RAB31: variants seen among roughly 807,000 people sequenced by gnomAD.
The protein encoded by RAB31 is ras-related protein Rab-31.
RAB31 carries 21 observed loss-of-function variants against 25.6 expected under a neutral mutation model. That is an observed-to-expected ratio of 0.82 (90% CI 0.58 to 1.18). RAB31 has a LOEUF of 1.18. RAB31 is among the 50% of genes most tolerant of loss of function. RAB31 has a pLI of 0.00. For missense variants in RAB31, 196 were observed against 250.1 expected (o/e 0.78, Z 1.46); for synonymous variants, 87 against 84.0 (o/e 1.04, Z -0.20).
intron 1 of RAB31, among the ~76,000 whole-genome samples, chr18:9,767,263 T>C (rs1383002254): frequency 6.6e-6 from 1 of 152,240 alleles, no homozygotes; most frequent in African/African-American, 2.4e-5. Context: ...CCATAATTTT[T>C]GTGCTTAGTT....
intron 1 of RAB31, among the ~76,000 whole-genome samples, chr18:9,751,844 G>C (rs1371467194): frequency 2.0e-5 from 3 of 152,222 alleles, no homozygotes; most frequent in African/African-American, 7.2e-5. Flanking sequence ...TTAGATGCCT[G>C]CTGTCCAGCC....
chr18:9,797,546 A>G (rs1461435552), intron 3 of RAB31: 1 of 152,166 alleles, frequency 6.6e-6, no homozygotes, highest in Non-Finnish European at 1.5e-5. Flanking sequence ...TAACTTGCAC[A>G]ATGTCGCAGA....
intron 5 of RAB31, among the ~76,000 whole-genome samples, chr18:9,832,967 G>A (rs575410845): frequency 6.7e-6 from 1 of 148,676 alleles, no homozygotes; most frequent in Admixed American, 6.7e-5. Flanking sequence ...ACTGCACCGA[G>A]AACTCCCGTG....
chr18:9,859,315 G>T lies in RAB31; in HGVS notation c.578G>T (p.Arg193Leu). The change falls in exon 7 of 7, where the codon CGG (arginine) becomes CTG (leucine). Residue 193 changes from arginine to leucine, a missense_variant. By Grantham distance (102) the Arg-to-Leu change is moderately radical (BLOSUM62 -2). Coordinates refer to ENST00000578921, the MANE Select transcript of RAB31 (RefSeq NM_006868.4). ...VEKPTMQASR[R>L]CC ...AAGCCAACCATGCAAGCCAGCCGCC[G>T]GTGCTGTTGACCCAAGGGCCGTGGT... 6.2e-7 allele frequency: 1 copy of T among 1,612,362 alleles called. No homozygotes were observed. Among genetic ancestry groups the T allele is most frequent in the East Asian group, 2.2e-5 (1 of 44,854 alleles).
At chr18:9,851,718 A>G (rs2068790057) in intron 6 of RAB31, among the ~76,000 whole-genome samples, 1 of 152,234 alleles carries the variant, frequency 6.6e-6, no homozygotes, top group African/African-American at 2.4e-5. Flanking sequence ...AAATCATGGT[A>G]CACCCATATA....
At chr18:9,740,040 G>A (rs1257952580) in intron 1 of RAB31, among the ~76,000 whole-genome samples, 3 of 152,184 alleles carry the variant, frequency 2.0e-5, no homozygotes, top group African/African-American at 7.2e-5. Context: ...CAGACCCTGG[G>A]GTGACGAGAG....
At chr18:9,741,431 G>A (rs2068178746) in intron 1 of RAB31, among the ~76,000 whole-genome samples, 1 of 145,424 alleles carries the variant, frequency 6.9e-6, no homozygotes, top group Non-Finnish European at 1.5e-5. Context: ...CCCCTGGATT[G>A]TGGCAAACTT....
At chr18:9,826,854 C>T (rs1443602103) in intron 5 of RAB31, among the ~76,000 whole-genome samples, 1 of 51,582 alleles carries the variant, frequency 1.9e-5, no homozygotes, top group Admixed American at 2.1e-4. Flanking sequence ...CCAGGATCCT[C>T]CGCGAAGGAG....
intron 1 of RAB31, among the ~76,000 whole-genome samples, chr18:9,749,893 A>G (rs2068225681): frequency 6.6e-6 from 1 of 152,192 alleles, no homozygotes. Context: ...TTGCCCTGCC[A>G]CAAGTGAACA....
chr18:9,768,416 C>T (rs1358275953), intron 1 of RAB31, among the ~76,000 whole-genome samples: 3 of 152,208 alleles, frequency 2.0e-5, no homozygotes, highest in African/African-American at 7.2e-5. Context: ...GATGGCATTT[C>T]ATTGTGGTTT....
In RAB31 at chr18:9,775,401, C is replaced by A. The variant is rs373427461; in HGVS notation, c.119+44C>A. The A allele has an allele frequency of 1.5e-4, 243 of 1,611,120 alleles. No individual in the cohort carries two copies. The African/African-American group carries it at 2.5e-3, about 17-fold the overall frequency. On this transcript the variant is annotated intron_variant, in intron 2 of 6. Transcript: ENST00000578921. ...TTCTCCTTCGCGTTGCTTCCTTTCA[C>A]GGCATCAGAATGACCACTCTGTCTG...
chr18:9,807,105 G>A (rs963728627), intron 3 of RAB31, among the ~76,000 whole-genome samples: 3 of 152,230 alleles, frequency 2.0e-5, no homozygotes, highest in African/African-American at 7.2e-5. Context: ...CTGCGTGAGA[G>A]CTGGGGCTGG....
intron 1 of RAB31, among the ~76,000 whole-genome samples, chr18:9,712,794 T>C (rs2068024499): frequency 6.6e-6 from 1 of 152,226 alleles, no homozygotes. Flanking sequence ...AGATTTATAT[T>C]TGGACTTTGG....
At chr18:9,817,577 C>T (rs1198527922) in intron 5 of RAB31, among the ~76,000 whole-genome samples, 6 of 151,950 alleles carry the variant, frequency 3.9e-5, no homozygotes, top group Non-Finnish European at 8.8e-5. Context: ...ATTGGTAGTA[C>T]GAGATGATAT....
chr18:9,728,725 A>G (rs2068107141), intron 1 of RAB31, among the ~76,000 whole-genome samples: 1 of 151,956 alleles, frequency 6.6e-6, no homozygotes, highest in South Asian at 2.1e-4. Flanking sequence ...TTTAGTAGAG[A>G]TGGGGTTTCA....
At chr18:9,800,549 G>A (rs1244650122) in intron 3 of RAB31, among the ~76,000 whole-genome samples, 3 of 152,086 alleles carry the variant, frequency 2.0e-5, no homozygotes, top group Non-Finnish European at 4.4e-5. Flanking sequence ...CTTTTTCCTT[G>A]GCAGGGAGTT....
At chr18:9,772,230 T>A (rs973324583) in intron 1 of RAB31, among the ~76,000 whole-genome samples, 2 of 147,722 alleles carry the variant, frequency 1.4e-5, no homozygotes, top group African/African-American at 5.0e-5. Flanking sequence ...ACCGAGAAGA[T>A]GCACCCTCAG....
intron 5 of RAB31, among the ~76,000 whole-genome samples, chr18:9,819,180 A>G (rs879467730): frequency 2.6e-5 from 4 of 152,130 alleles, no homozygotes; most frequent in Admixed American, 2.6e-4. Flanking sequence ...AACATCACAA[A>G]TATTTATTAA....
intron 5 of RAB31, among the ~76,000 whole-genome samples, chr18:9,835,158 GTCCAGCT>G (rs1568191952): frequency 6.6e-6 from 1 of 152,126 alleles, no homozygotes; most frequent in East Asian, 1.9e-4. Flanking sequence ...ACGGTGTAGG[GTCCAGCT>G]TCTGACCTAA....
Sources: gnomAD v4.1 joint callset for allele counts (sites outside exome capture counted in the v4.1 genomes callset) on GRCh38, gnomAD v4.1.1 for gene constraint, MANE v1.5 for transcripts, NCBI Gene and HGNC (gene_info 2026-07-23, HGNC 2026-07-21) for gene names.